Variants in CUX2 observed in about 807,000 individuals in gnomAD.
CUX2 encodes the protein cut like homeobox 2.
A neutral mutation model predicts 144.8 loss-of-function variants in CUX2; 40 were observed. That is an observed-to-expected ratio of 0.28 (90% CI 0.21 to 0.36). The LOEUF (loss-of-function observed/expected upper bound fraction) is 0.36, where lower values mean the gene tolerates loss of function less well. Ranked by LOEUF, CUX2 falls within the 10% of genes least tolerant of loss-of-function variation. CUX2 has a pLI of 1.00. For synonymous variants in CUX2, 827 were observed against 875.6 expected (o/e 0.94, Z 0.98); for missense variants, 1,615 against 1,994.0 (o/e 0.81, Z 3.62).
rs199624287 is a variant in CUX2, at chr12:111,306,966, G to A, written c.904G>A (p.Ala302Thr). The A allele has an allele frequency of 3.3e-5, 54 of 1,613,302 alleles. No individual in the cohort carries two copies. The highest frequency in any genetic ancestry group is 2.9e-4 in the African/African-American group (22 of 75,004). The stretch of plus-strand genomic sequence containing the variant: ...GTGCTCGGGCCCTCGGCTGGAGGCC[G>A]CGCTGGCCTCCAAGGACAGGGAGAT... ...TLCSGPRLEA[A>T]LASKDREILR... The change falls in exon 11 of 22, where the codon GCG (alanine) becomes ACG (threonine). Residue 302 changes from alanine to threonine, a missense_variant. Coordinates refer to ENST00000261726, the MANE Select transcript of CUX2 (RefSeq NM_015267.4).
chr12:111,220,984 A>G (rs971674794), intron 3 of CUX2, among the ~76,000 whole-genome samples: 3 of 151,158 alleles, frequency 2.0e-5, no homozygotes, highest in African/African-American at 7.3e-5. Context: ...CAAACACTTC[A>G]GCAGCATGGA....
intron 1 of CUX2, among the ~76,000 whole-genome samples, chr12:111,085,655 C>G (rs1210752071): frequency 6.6e-6 from 1 of 152,260 alleles, no homozygotes; most frequent in Non-Finnish European, 1.5e-5. Flanking sequence ...GTTCCTGTCT[C>G]CCCTAGAGAA....
intron 1 of CUX2, among the ~76,000 whole-genome samples, chr12:111,058,677 C>G (rs190247266): frequency 8.5e-5 from 13 of 152,160 alleles, no homozygotes; most frequent in African/African-American, 3.1e-4. Flanking sequence ...TTTAGTGCAC[C>G]CTTGCAGATA....
At chr12:111,183,473 C>T (rs377195161) in intron 1 of CUX2, among the ~76,000 whole-genome samples, 3 of 152,312 alleles carry the variant, frequency 2.0e-5, no homozygotes, top group African/African-American at 2.4e-5. Flanking sequence ...GAAGCAACAC[C>T]GGGGTCTCAG....
At position 111,320,182 on chromosome 12, in the gene CUX2, C is replaced by T; in HGVS notation, c.2173C>T (p.Pro725Ser). 1.3e-6 allele frequency: 2 copies of T among 1,531,884 alleles called. No individual in the cohort carries two copies. The highest frequency in any genetic ancestry group is 1.7e-6 in the Non-Finnish European group (2 of 1,144,638). The allele number at this position is 1,531,884 out of a possible 1,614,324, so 94.9% of individuals were successfully genotyped here. The change falls in exon 17 of 22, where the codon CCC (proline) becomes TCC (serine). Residue 725 changes from proline to serine, a missense_variant. This residue lies in a region of CUX2 where 390 missense variants were observed against 387.1 expected (regional missense o/e 1.01). Transcript: ENST00000261726. The surrounding 1 kb of genome is among the most constrained non-coding windows in gnomAD (Gnocchi z 8.1). ...GGCGCCCAGGGGCCGCTCGGTGCCC[C>T]CCTCGCCCCCGGAGCGGCCATCACT... ...EVAPRGRSVP[P>S]SPPERPSLAT...
chr12:111,193,246 T>C lies in CUX2; in HGVS notation c.64-20954T>C, dbSNP rs534938814. Among the ~76,000 whole-genome samples the C allele has an allele frequency of 2.0e-5, 3 of 152,294 alleles. No individual in the cohort carries two copies. The East Asian group carries it at 5.8e-4, about 29-fold the overall frequency. On this transcript the variant is annotated intron_variant, in intron 1 of 21. Coordinates refer to ENST00000261726, the MANE Select transcript of CUX2 (RefSeq NM_015267.4). ...ATCCCACCTGCCTGACTGCGCCCCATAGCCCTGATTAGTCCCTCCAAATAC... is the reference window on the plus strand; with the variant it reads ...ATCCCACCTGCCTGACTGCGCCCCACAGCCCTGATTAGTCCCTCCAAATAC...
At chr12:111,163,635 C>T (rs1877926942) in intron 1 of CUX2, among the ~76,000 whole-genome samples, 1 of 152,168 alleles carries the variant, frequency 6.6e-6, no homozygotes, top group South Asian at 2.1e-4. Flanking sequence ...CCAGCCATAC[C>T]TGAAACTACC....
intron 1 of CUX2, among the ~76,000 whole-genome samples, chr12:111,150,878 C>T (rs909612801): frequency 2.0e-5 from 3 of 152,018 alleles, no homozygotes; most frequent in African/African-American, 4.8e-5. Context: ...GTTATTATTT[C>T]GCAGCAATGG....
intron 1 of CUX2, among the ~76,000 whole-genome samples, chr12:111,181,029 G>A (rs1879137375): frequency 1.3e-5 from 2 of 152,196 alleles, no homozygotes; most frequent in Non-Finnish European, 1.5e-5. Context: ...CGACTGCGCC[G>A]GAATAGTCTT....
chr12:111,173,114 C>T (rs1878645629), intron 1 of CUX2, among the ~76,000 whole-genome samples: 1 of 152,194 alleles, frequency 6.6e-6, no homozygotes, highest in Admixed American at 6.5e-5. Flanking sequence ...CAGTTGCTGT[C>T]AGGGAGAGAG....
intron 18 of CUX2, 120 bp from the exon 19 acceptor site, chr12:111,334,321 A>T: frequency 9.5e-7 from 1 of 1,053,524 alleles, no homozygotes; most frequent in Non-Finnish European, 1.4e-6. Context: ...AGCGATTATT[A>T]CTACAGTGGT....
chr12:111,211,493 C>T (rs144302797), intron 1 of CUX2, among the ~76,000 whole-genome samples: 1 of 152,144 alleles, frequency 6.6e-6, no homozygotes, highest in South Asian at 2.1e-4. Flanking sequence ...CTTTCAGAAC[C>T]TGGGCTGGAT....
Position 111,057,156 on chromosome 12 carries a change from AGAGT to A in CUX2, c.63+22921_63+22924del, listed in dbSNP as rs1418793701. Among the ~76,000 whole-genome samples, 2 of 151,894 alleles carry A rather than the reference AGAGT, an allele frequency of 1.3e-5. No homozygotes were observed. Among genetic ancestry groups the A allele is most frequent in the Non-Finnish European group, 2.9e-5 (2 of 67,974 alleles). On this transcript the variant is annotated intron_variant, in intron 1 of 21. Transcript: ENST00000261726. The surrounding 1 kb of genome is among the most constrained non-coding windows in gnomAD (Gnocchi z 5.1). ...GGTTGTGACGGGAGGTTGTGTGACG[AGAGT>A]GAGTATGACAGGAAATGGCCTGAGC...
intron 5 of CUX2, 151 bp downstream of exon 5, chr12:111,291,703 T>C: frequency 1.1e-6 from 1 of 871,952 alleles, no homozygotes; most frequent in Non-Finnish European, 1.6e-6. Context: ...TGGGTATATA[T>C]TGATCCTGGT....
chr12:111,253,118 C>T (rs1193150318), intron 3 of CUX2, among the ~76,000 whole-genome samples: 1 of 152,266 alleles, frequency 6.6e-6, no homozygotes, highest in South Asian at 2.1e-4. Flanking sequence ...GGAGCCACTT[C>T]CCTGGTCTCC....
chr12:111,092,251 A>G (rs1872597178), intron 1 of CUX2, among the ~76,000 whole-genome samples: 1 of 152,192 alleles, frequency 6.6e-6, no homozygotes, highest in African/African-American at 2.4e-5. Context: ...GGCAGGAAGA[A>G]GGGCTCCAGC....
intron 1 of CUX2, among the ~76,000 whole-genome samples, chr12:111,109,126 C>T (rs1873784417): frequency 6.6e-6 from 1 of 152,168 alleles, no homozygotes; most frequent in South Asian, 2.1e-4. Flanking sequence ...ATAATCATTG[C>T]CTGGGTCCAT....
chr12:111,043,028 T>C (rs1869824388), intron 1 of CUX2, among the ~76,000 whole-genome samples: 1 of 152,162 alleles, frequency 6.6e-6, no homozygotes, highest in African/African-American at 2.4e-5. Flanking sequence ...TGAATAATAA[T>C]TGCTGTTATC....
At chr12:111,137,567 C>T (rs888661238) in intron 1 of CUX2, among the ~76,000 whole-genome samples, 1 of 152,054 alleles carries the variant, frequency 6.6e-6, no homozygotes, top group Non-Finnish European at 1.5e-5. Context: ...GGCACAAGTG[C>T]AGTGGCCCAA....
Sources: allele counts gnomAD v4.1 joint callset (sites outside exome capture counted in the v4.1 genomes callset), GRCh38; gene constraint gnomAD v4.1.1; regional missense constraint gnomAD v4.1.1; non-coding constraint Gnocchi (gnomAD v3.1); transcripts MANE v1.5; gene names NCBI Gene and HGNC (gene_info 2026-07-23, HGNC 2026-07-21).